MON2: variants seen among roughly 807,000 people sequenced by gnomAD.
MON2 encodes the protein protein MON2 homolog.
Under a neutral mutation model 208.6 loss-of-function variants are expected in MON2, and 84 were observed. That is an observed-to-expected ratio of 0.40 (90% CI 0.34 to 0.48). MON2 has a LOEUF of 0.48. Ranked by LOEUF, MON2 falls within the 20% of genes least tolerant of loss-of-function variation. The pLI is 0.59. For synonymous variants in MON2, 660 were observed against 694.0 expected (o/e 0.95, Z 0.77); for missense variants, 1,611 against 2,015.4 (o/e 0.80, Z 3.84).
chr12:62,549,110 T>C (rs2073627934), intron 22 of MON2, among the ~76,000 whole-genome samples: 1 of 152,180 alleles, frequency 6.6e-6, no homozygotes, highest in Non-Finnish European at 1.5e-5. Context: ...AGTAATATGA[T>C]GTTAATACTT....
chr12:62,547,168 G>T, intron 22 of MON2, 96 bp downstream of exon 22: 1 of 793,612 alleles, frequency 1.3e-6, no homozygotes, highest in Non-Finnish European at 1.8e-6. Flanking sequence ...GGTAGAGAAG[G>T]ACTCCATCCT....
intron 2 of MON2, among the ~76,000 whole-genome samples, chr12:62,485,874 T>C (rs2069749771): frequency 1.3e-5 from 2 of 152,146 alleles, no homozygotes; most frequent in Non-Finnish European, 2.9e-5. Context: ...TGGCTAATTT[T>C]TGTATTTTTA....
chr12:62,547,158 G>A (rs893473776), intron 22 of MON2, 86 bp downstream of exon 22: 20 of 915,482 alleles, frequency 2.2e-5, no homozygotes, highest in Non-Finnish European at 2.5e-5. Context: ...AAGTGATAGA[G>A]GTAGAGAAGG....
At chr12:62,555,353 G>GTT (rs141628000) in intron 24 of MON2, among the ~76,000 whole-genome samples, 1 of 147,268 alleles carries the variant, frequency 6.8e-6, no homozygotes, top group Admixed American at 6.8e-5. Flanking sequence ...CTAATTTTGG[G>GTT]TTTTTTTTTT....
At chr12:62,550,461 G>T (rs1274734303) in intron 23 of MON2, among the ~76,000 whole-genome samples, 2 of 152,178 alleles carry the variant, frequency 1.3e-5, no homozygotes, top group Non-Finnish European at 2.9e-5. Flanking sequence ...ATTGGAGGCT[G>T]CAGTGAGCTA....
intron 32 of MON2, among the ~76,000 whole-genome samples, chr12:62,581,417 A>G (rs867335513): frequency 6.6e-6 from 1 of 152,072 alleles, no homozygotes; most frequent in African/African-American, 2.4e-5. Context: ...TTAGCTGGGC[A>G]TGGTGACACA....
Position 62,560,611 on chromosome 12 carries a change from C to A in MON2, c.3530C>A (p.Ser1177Tyr), listed in dbSNP as rs775205815. 1.9e-6 allele frequency: 3 copies of A among 1,613,896 alleles called. No individual in the cohort carries two copies. The highest frequency in any genetic ancestry group is 4.5e-5 in the East Asian group (2 of 44,876). The change falls in exon 26 of 35, where the codon TCC becomes TAC. Residue 1177 changes from serine (S) to tyrosine (Y), a missense_variant. Coordinates refer to ENST00000393630, the MANE Select transcript of MON2 (RefSeq NM_015026.3). ...TTCCAGGAAATTTTACAGATTGTGT[C>A]CCCTGTCAGAGACTCAGATAAGCCT... ...KSFQEILQIV[S>Y]PVRDSDKPET...
At chr12:62,497,067 A>G (rs111340575) in intron 4 of MON2, among the ~76,000 whole-genome samples, 39,889 of 138,848 alleles carry the variant, frequency 0.29, 5,892 homozygotes, top group Admixed American at 0.34. Context: ...ACAAAAAACC[A>G]AACACCGCAT....
At chr12:62,476,105 C>T (rs905177369) in intron 1 of MON2, among the ~76,000 whole-genome samples, 4 of 152,054 alleles carry the variant, frequency 2.6e-5, no homozygotes, top group Non-Finnish European at 4.4e-5. Flanking sequence ...GCATTCCAGT[C>T]TTTGATTTGT....
At chr12:62,489,127 A>G (rs184592436) in intron 2 of MON2, among the ~76,000 whole-genome samples, 54 of 152,270 alleles carry the variant, frequency 3.5e-4, no homozygotes, top group African/African-American at 1.1e-3. Context: ...ATAAATTTCT[A>G]TAAGTGGGAT....
At chr12:62,495,424 G>C (rs1044512238) in intron 4 of MON2, among the ~76,000 whole-genome samples, 2 of 151,790 alleles carry the variant, frequency 1.3e-5, no homozygotes, top group Non-Finnish European at 2.9e-5. Context: ...CCAAGAGTAA[G>C]AATAGGGAAG....
intron 26 of MON2, among the ~76,000 whole-genome samples, chr12:62,561,876 T>C (rs1397116270): frequency 6.6e-6 from 1 of 152,146 alleles, no homozygotes; most frequent in Non-Finnish European, 1.5e-5. Flanking sequence ...ATTAGATTTC[T>C]GATTAACTGC....
chr12:62,470,070 G>A (rs1334444980), intron 1 of MON2, among the ~76,000 whole-genome samples: 1 of 151,710 alleles, frequency 6.6e-6, no homozygotes, highest in African/African-American at 2.4e-5. Flanking sequence ...ACACGCAGCT[G>A]ATTTTTGTAT....
Position 62,599,725 on chromosome 12 carries a change from C to T in MON2, c.*6976C>T, listed in dbSNP as rs904812072. ...GCTTTTTCAAAAGCAGTTCTTTCTA[C>T]TACAGTACAATAGTTTCATGTTTTA... On this transcript the variant is annotated 3_prime_UTR_variant, in exon 35 of 35. Coordinates refer to ENST00000393630, the MANE Select transcript of MON2 (RefSeq NM_015026.3). 1.3e-5 allele frequency: 2 copies of T among 152,146 alleles called. No homozygotes were observed. The highest frequency in any genetic ancestry group is 2.9e-5 in the Non-Finnish European group (2 of 68,028). 9.4% of individuals were successfully genotyped at this position (152,146 alleles called of 1,614,324 possible). A position where few individuals can be genotyped will look rare whatever the true frequency, so the allele number is the denominator to read the frequency against.
chr12:62,473,979 C>T (rs538423898), intron 1 of MON2, among the ~76,000 whole-genome samples: 15 of 152,090 alleles, frequency 9.9e-5, no homozygotes, highest in Admixed American at 3.3e-4. Flanking sequence ...GGACTTGCTG[C>T]GATGCTGATG....
chr12:62,556,101 C>T lies in MON2; in HGVS notation c.3318C>T (p.Thr1106=), dbSNP rs76996863. Residue 1106 remains threonine, a synonymous_variant, in exon 25 of 35, where the codon ACC becomes ACT. Transcript: ENST00000393630. Reference sequence around the variant, plus strand: ...TTCTCATTCATCATTCAAGGGACACCGCCGAGAAGCAATGGGCTGAGACGT... The same window carrying T: ...TTCTCATTCATCATTCAAGGGACACTGCCGAGAAGCAATGGGCTGAGACGT... ...GNILIHHSRD[T]AEKQWAETWV... 1,466 of 1,613,816 alleles carry T rather than the reference C, an allele frequency of 9.1e-4. 12 individuals are homozygous for T. In the African/African-American group the frequency reaches 0.016, roughly 17 times the overall value.
At chr12:62,580,260 G>C (rs1320892071) in intron 31 of MON2, 37 bp from the exon 32 acceptor site, 2 of 1,583,972 alleles carry the variant, frequency 1.3e-6, no homozygotes. Flanking sequence ...CTCTTTCAAA[G>C]AAAACAATAC....
At chr12:62,557,928 T>TTTTATATATATA (rs1555174418) in intron 25 of MON2, among the ~76,000 whole-genome samples, 1 of 46,136 alleles carries the variant, frequency 2.2e-5, no homozygotes, top group Non-Finnish European at 3.6e-5. Context: ...ACGAATAGAT[T>TTTTATATATATA]TATATATATA....
chr12:62,492,803 AC>A (rs1442048503), intron 2 of MON2, among the ~76,000 whole-genome samples: 2 of 143,930 alleles, frequency 1.4e-5, no homozygotes, highest in Admixed American at 1.4e-4. Context: ...ACATGGTGAA[AC>A]CCCGTCTCTA....
Sources: allele counts gnomAD v4.1 joint callset (sites outside exome capture counted in the v4.1 genomes callset), GRCh38; gene constraint gnomAD v4.1.1; transcripts MANE v1.5; gene names NCBI Gene and HGNC (gene_info 2026-07-23, HGNC 2026-07-21).